TMEM117: variants seen among roughly 807,000 people sequenced by gnomAD.
TMEM117 encodes transmembrane protein 117.
TMEM117 carries 27 observed loss-of-function variants against 52.4 expected under a neutral mutation model. The ratio of observed to expected loss-of-function variants is 0.51; its 90% confidence interval spans 0.38 to 0.71. The LOEUF is 0.71. Among genes scored for constraint, TMEM117 ranks in the 30% least tolerant of loss-of-function variants. The pLI is 0.00. For missense variants in TMEM117, 556 were observed against 630.5 expected (o/e 0.88, Z 1.26); for synonymous variants, 215 against 206.3 (o/e 1.04, Z -0.36).
intron 5 of TMEM117, among the ~76,000 whole-genome samples, chr12:44,224,519 TCTC>T (rs1949834485): frequency 6.6e-6 from 1 of 151,778 alleles, no homozygotes; most frequent in Admixed American, 6.6e-5. Flanking sequence ...TTCTTCTCCT[TCTC>T]CTCCTTCTCC....
At chr12:43,858,255 C>T (rs371792938) in intron 2 of TMEM117, among the ~76,000 whole-genome samples, 2 of 152,214 alleles carry the variant, frequency 1.3e-5, no homozygotes, top group African/African-American at 2.4e-5. Context: ...GAACATAAAC[C>T]GAAGCCTCCT....
At chr12:44,077,919 C>T (rs552513580) in intron 3 of TMEM117, among the ~76,000 whole-genome samples, 9 of 151,942 alleles carry the variant, frequency 5.9e-5, no homozygotes, top group East Asian at 3.9e-4. Flanking sequence ...TTAGAAATTC[C>T]AATACCAAAA....
At chr12:43,917,691 T>C (rs190631372) in intron 2 of TMEM117, among the ~76,000 whole-genome samples, 4 of 152,306 alleles carry the variant, frequency 2.6e-5, no homozygotes, top group Admixed American at 1.3e-4. Context: ...TCATAATTCT[T>C]ACCTGAATTT....
At chr12:44,052,703 C>T (rs1946993304) in intron 3 of TMEM117, among the ~76,000 whole-genome samples, 1 of 152,142 alleles carries the variant, frequency 6.6e-6, no homozygotes, top group Admixed American at 6.5e-5. Flanking sequence ...CCACGTCTGA[C>T]CCAGGGGAAA....
chr12:43,948,646 A>G (rs1945172546), intron 3 of TMEM117, among the ~76,000 whole-genome samples: 1 of 152,110 alleles, frequency 6.6e-6, no homozygotes, highest in African/African-American at 2.4e-5. Context: ...TCTGCTGAGG[A>G]GAAGGTGCTG....
At chr12:44,194,683 G>A (rs1949395734) in intron 4 of TMEM117, among the ~76,000 whole-genome samples, 2 of 151,722 alleles carry the variant, frequency 1.3e-5, no homozygotes, top group South Asian at 4.2e-4. Flanking sequence ...AATATTATTC[G>A]GGCATGGTGG....
intron 2 of TMEM117, among the ~76,000 whole-genome samples, chr12:43,850,459 G>C (rs903405270): frequency 1.3e-5 from 2 of 152,168 alleles, no homozygotes; most frequent in African/African-American, 2.4e-5. Context: ...AATATTTGCT[G>C]GTTCTCAAAC....
intron 4 of TMEM117, among the ~76,000 whole-genome samples, chr12:44,182,205 G>T (rs1949211091): frequency 6.6e-6 from 1 of 152,154 alleles, no homozygotes; most frequent in Non-Finnish European, 1.5e-5. Context: ...CCTTGATTTT[G>T]TATCCTGAGA....
At chr12:44,139,413 T>G (rs542858964) in intron 3 of TMEM117, among the ~76,000 whole-genome samples, 1 of 152,174 alleles carries the variant, frequency 6.6e-6, no homozygotes, top group African/African-American at 2.4e-5. Context: ...TGCAACAGGT[T>G]TTAATAGGCT....
At chr12:44,083,885 GTTGT>G (rs1297295558) in intron 3 of TMEM117, among the ~76,000 whole-genome samples, 8 of 151,768 alleles carry the variant, frequency 5.3e-5, no homozygotes, top group South Asian at 4.2e-4. Context: ...TCCCAGTTAG[GTTGT>G]TTGTCTTTTT....
chr12:44,154,728 G>A (rs1166239237), intron 4 of TMEM117, among the ~76,000 whole-genome samples: 3 of 150,832 alleles, frequency 2.0e-5, no homozygotes, highest in Non-Finnish European at 4.4e-5. Context: ...ATTTAGCAAA[G>A]TGAACCAGTT....
chr12:44,016,258 C>G (rs1011992989), intron 3 of TMEM117, among the ~76,000 whole-genome samples: 6 of 152,154 alleles, frequency 3.9e-5, no homozygotes, highest in African/African-American at 1.4e-4. Flanking sequence ...TTAAAGGCAT[C>G]CAGATATCCA....
chr12:44,130,494 T>C (rs1334657570), intron 3 of TMEM117, among the ~76,000 whole-genome samples: 3 of 152,200 alleles, frequency 2.0e-5, no homozygotes, highest in Non-Finnish European at 4.4e-5. Context: ...TTCTGAGTTT[T>C]ATATATTTGT....
chr12:43,936,946 G>C (rs1365061252), intron 2 of TMEM117, among the ~76,000 whole-genome samples: 1 of 152,118 alleles, frequency 6.6e-6, no homozygotes, highest in Non-Finnish European at 1.5e-5. Context: ...AACTTAAGAG[G>C]CCTCAGAGGT....
At chr12:44,220,257 G>A (rs1949770959) in intron 5 of TMEM117, among the ~76,000 whole-genome samples, 2 of 152,236 alleles carry the variant, frequency 1.3e-5, no homozygotes, top group East Asian at 3.9e-4. Flanking sequence ...ATGTTTGCTA[G>A]AATTGATTGA....
At chr12:43,997,936 C>G (rs145104724) in intron 3 of TMEM117, among the ~76,000 whole-genome samples, 1 of 152,324 alleles carries the variant, frequency 6.6e-6, no homozygotes, top group African/African-American at 2.4e-5. Flanking sequence ...AAAGTTCATG[C>G]ATGCACTCAT....
intron 3 of TMEM117, among the ~76,000 whole-genome samples, chr12:44,025,466 T>C (rs1164623494): frequency 6.6e-6 from 1 of 152,186 alleles, no homozygotes; most frequent in Non-Finnish European, 1.5e-5. Flanking sequence ...ATGAAAGATA[T>C]GGAGGAATAG....
At chr12:44,010,250 C>A in intron 3 of TMEM117, 1 of 463,382 alleles carries the variant, frequency 2.2e-6, no homozygotes, top group East Asian at 6.7e-5. Context: ...ATGAGTAGAT[C>A]TTCCTAAGAG....
At chr12:43,887,896 T>G (rs1944026338) in intron 2 of TMEM117, among the ~76,000 whole-genome samples, 1 of 152,178 alleles carries the variant, frequency 6.6e-6, no homozygotes, top group Admixed American at 6.5e-5. Flanking sequence ...ACCATTTGTT[T>G]GTTTCATAGT....
Sources: gnomAD v4.1 joint callset for allele counts (sites outside exome capture counted in the v4.1 genomes callset) on GRCh38, gnomAD v4.1.1 for gene constraint, MANE v1.5 for transcripts, NCBI Gene and HGNC (gene_info 2026-07-23, HGNC 2026-07-21) for gene names.